DNAH14: variants seen among roughly 807,000 people sequenced by gnomAD.
DNAH14 encodes axonemal beta dynein heavy chain 14.
DNAH14 carries 478 observed loss-of-function variants against 520.9 expected under a neutral mutation model. The observed-to-expected ratio is 0.92, with a 90% confidence interval of 0.85 to 0.99. The LOEUF is 0.99. DNAH14 is among the 50% of genes least tolerant of loss of function. The probability of loss-of-function intolerance (pLI) is 0.00; values close to 1 mark genes in which losing one functional copy is unlikely to be tolerated. For missense variants in DNAH14, 4,831 were observed against 5,234.5 expected, an observed-to-expected ratio of 0.92 and a Z score of 2.38; for synonymous variants, 1,581 against 1,757.2, an observed-to-expected ratio of 0.90 and a Z score of 2.51.
At chr1:225,005,665 T>G (rs981383482) in intron 9 of DNAH14, among the ~76,000 whole-genome samples, 4 of 152,064 alleles carry the variant, frequency 2.6e-5, no homozygotes, top group Admixed American at 2.6e-4. Context: ...TTTTTTGTTG[T>G]GGGAAGATAC....
At chr1:225,108,097 A>G (rs945287458) in intron 23 of DNAH14, among the ~76,000 whole-genome samples, 1 of 152,182 alleles carries the variant, frequency 6.6e-6, no homozygotes, top group Non-Finnish European at 1.5e-5. Flanking sequence ...CAGTGCTGCT[A>G]GGATAAAAAC....
At chr1:224,937,610 A>G (rs987092373) in intron 1 of DNAH14, among the ~76,000 whole-genome samples, 2 of 152,138 alleles carry the variant, frequency 1.3e-5, no homozygotes, top group African/African-American at 4.8e-5. Context: ...ATATTATTAA[A>G]ATGACAATAC....
chr1:225,368,451 T>C (rs1196719052), intron 77 of DNAH14, among the ~76,000 whole-genome samples: 5 of 152,240 alleles, frequency 3.3e-5, no homozygotes, highest in Non-Finnish European at 7.3e-5. Flanking sequence ...GTACGACTTA[T>C]TCATTAAAAG....
chr1:225,263,189 G>A (rs534707012), intron 46 of DNAH14, among the ~76,000 whole-genome samples: 54 of 150,668 alleles, frequency 3.6e-4, no homozygotes, highest in East Asian at 7.8e-4. Context: ...CCTACTATGC[G>A]AGATATATAT....
chr1:225,284,159 G>A (rs2093686810), intron 54 of DNAH14, among the ~76,000 whole-genome samples: 1 of 151,880 alleles, frequency 6.6e-6, no homozygotes, highest in Admixed American at 6.6e-5. Flanking sequence ...AAAGATTAGA[G>A]AAGAAAGTAG....
At chr1:225,064,810 G>T (rs1042123520) in intron 17 of DNAH14, among the ~76,000 whole-genome samples, 1 of 151,982 alleles carries the variant, frequency 6.6e-6, no homozygotes. Flanking sequence ...TTCTAGGACA[G>T]TGAAGTTTTC....
chr1:225,196,934 T>A (rs951849304), intron 38 of DNAH14, among the ~76,000 whole-genome samples: 1 of 152,210 alleles, frequency 6.6e-6, no homozygotes, highest in Non-Finnish European at 1.5e-5. Context: ...TTGTTGTAGA[T>A]TCTGGATATT....
At chr1:225,233,748 C>G (rs185739679) in intron 42 of DNAH14, among the ~76,000 whole-genome samples, 83 of 152,268 alleles carry the variant, frequency 5.5e-4, no homozygotes, top group Non-Finnish European at 1.0e-3. Context: ...TCTGTTCACT[C>G]TAATGATAGC....
chr1:225,182,880 G>C lies in DNAH14; in HGVS notation c.5536-2411G>C, dbSNP rs759318681. Reference sequence around the variant, plus strand: ...CAATGGCTGACTAAAGTGGGCTCAGGTCCCAAATAAAATTCTGTGGTAGGC... The same window carrying C: ...CAATGGCTGACTAAAGTGGGCTCAGCTCCCAAATAAAATTCTGTGGTAGGC... On this transcript the variant is annotated intron_variant, in intron 36 of 85. Transcript: ENST00000682510. 7.6e-4 allele frequency among the ~76,000 whole-genome samples: 116 copies of C among 152,294 alleles called. 1 individual carries two copies. The highest frequency in any genetic ancestry group is 6.8e-4 in the Non-Finnish European group (46 of 68,022).
chr1:225,166,146 G>T (rs2082024024), intron 35 of DNAH14, among the ~76,000 whole-genome samples: 2 of 152,058 alleles, frequency 1.3e-5, no homozygotes, highest in Middle Eastern at 3.2e-3. Flanking sequence ...CTCTTCTCCA[G>T]TTGTAAGTTT....
chr1:225,171,756 C>G lies in DNAH14; in HGVS notation c.5535+3728C>G, dbSNP rs543745050. 3.3e-4 allele frequency among the ~76,000 whole-genome samples: 50 copies of G among 152,280 alleles called. No homozygotes were observed. The South Asian group carries it at 0.01, about 31-fold the overall frequency. The stretch of plus-strand genomic sequence containing the variant: ...ATCAATAGAAAAAGAGGGAATCCTC[C>G]CTAACTCATTTTATGAGGCCAGCAT... On this transcript the variant is annotated intron_variant, in intron 36 of 85. Coordinates refer to ENST00000682510, the MANE Select transcript of DNAH14 (RefSeq NM_001367479.1).
intron 43 of DNAH14, among the ~76,000 whole-genome samples, chr1:225,249,954 C>T (rs940286853): frequency 3.9e-5 from 6 of 152,168 alleles, no homozygotes; most frequent in African/African-American, 1.4e-4. Context: ...ATGAATATAT[C>T]ACATCTTGTC....
At position 225,300,922 on chromosome 1, in the gene DNAH14, C is replaced by T. The variant is rs771069797; in HGVS notation, c.8523C>T (p.Asp2841=). 6 of 1,551,354 alleles carry T rather than the reference C, an allele frequency of 3.9e-6. No homozygotes were observed. Among genetic ancestry groups the T allele is most frequent in the African/African-American group, 1.4e-5 (1 of 73,126 alleles). ...NYIISSGRIP[D]LFENVELDSI... Reference sequence around the variant, plus strand: ...TCATCAGTTCAGGAAGAATACCTGACCTGTTTGAAAATGTTGAGCTGGATT... The same window carrying T: ...TCATCAGTTCAGGAAGAATACCTGATCTGTTTGAAAATGTTGAGCTGGATT... Residue 2841 remains aspartate (D), a synonymous_variant, in exon 56 of 86, where the codon GAC becomes GAT. Coordinates refer to ENST00000682510, the MANE Select transcript of DNAH14 (RefSeq NM_001367479.1).
chr1:224,950,828 C>A (rs2060119991), intron 1 of DNAH14, among the ~76,000 whole-genome samples: 1 of 152,084 alleles, frequency 6.6e-6, no homozygotes, highest in Admixed American at 6.5e-5. Flanking sequence ...GAGATGTTAT[C>A]TTCCCCAAAA....
chr1:225,139,674 A>G (rs1340004211), intron 27 of DNAH14, among the ~76,000 whole-genome samples: 2 of 152,200 alleles, frequency 1.3e-5, no homozygotes, highest in South Asian at 2.1e-4. Context: ...CTGGTTCACA[A>G]TCTCTCTCGC....
At position 225,146,484 on chromosome 1, in the gene DNAH14, T is replaced by A. The variant is rs190120703; in HGVS notation, c.4795-620T>A. Reference sequence around the variant, plus strand: ...TTAGTTGCTAACATTTACAAACCAATAGATTTCAATCCCAGACTTGCAGCC... The same window carrying A: ...TTAGTTGCTAACATTTACAAACCAAAAGATTTCAATCCCAGACTTGCAGCC... On this transcript the variant is annotated intron_variant, in intron 30 of 85. Coordinates refer to ENST00000682510, the MANE Select transcript of DNAH14 (RefSeq NM_001367479.1). Among the ~76,000 whole-genome samples the A allele has an allele frequency of 1.8e-4, 27 of 152,348 alleles. 1 individual carries two copies. The South Asian group carries it at 5.6e-3, about 32-fold the overall frequency.
intron 17 of DNAH14, among the ~76,000 whole-genome samples, chr1:225,060,660 C>A (rs2148407451): frequency 7.3e-6 from 1 of 136,524 alleles, no homozygotes; most frequent in South Asian, 2.6e-4. Context: ...TACCTTTGGT[C>A]TTTGATGATG....
Position 225,272,021 on chromosome 1 carries a change from T to C in DNAH14, c.7787T>C (p.Leu2596Ser). Residue 2596 changes from leucine to serine, a missense_variant, in exon 51 of 86, where the codon TTA (leucine) becomes TCA (serine). By Grantham distance (145) the Leu-to-Ser change is moderately radical. Coordinates refer to ENST00000682510, the MANE Select transcript of DNAH14 (RefSeq NM_001367479.1). ...TACCATCAAGTACGTCAGAATATGTTACCAACTCCAACAAAATGTCACTAC... is the reference window on the plus strand; with the variant it reads ...TACCATCAAGTACGTCAGAATATGTCACCAACTCCAACAAAATGTCACTAC... ...AIYHQVRQNMLPTPTKCHYMF... is the reference protein window; with the variant it reads ...AIYHQVRQNMSPTPTKCHYMF... 5.2e-6 allele frequency: 8 copies of C among 1,550,858 alleles called. No individual in the cohort carries two copies. Among genetic ancestry groups the C allele is most frequent in the Non-Finnish European group, 7.0e-6 (8 of 1,146,638 alleles).
chr1:225,117,723 T>G lies in DNAH14; in HGVS notation c.3907T>G (p.Tyr1303Asp). ...EVKRLIFPRF[Y>D]FLSNAELLDI... The stretch of plus-strand genomic sequence containing the variant: ...TAAAAGATTAATTTTCCCAAGATTT[T>G]ACTTTCTTAGCAATGCCGAGCTTCT... The change falls in exon 24 of 86, where the codon TAC (tyrosine) becomes GAC (aspartate). Residue 1303 changes from tyrosine (Y) to aspartate (D), a missense_variant. Coordinates refer to ENST00000682510, the MANE Select transcript of DNAH14 (RefSeq NM_001367479.1). 1 of 1,550,202 alleles carries G rather than the reference T, an allele frequency of 6.5e-7. No homozygotes were observed. The highest frequency in any genetic ancestry group is 8.7e-7 in the Non-Finnish European group (1 of 1,146,806).
Sources: gnomAD v4.1 joint callset for allele counts (sites outside exome capture counted in the v4.1 genomes callset) on GRCh38, gnomAD v4.1.1 for gene constraint, MANE v1.5 for transcripts, NCBI Gene and HGNC (gene_info 2026-07-23, HGNC 2026-07-21) for gene names.